Variants in OGDH observed in about 807,000 individuals in gnomAD.
OGDH encodes oxoglutarate dehydrogenase, also known as 2-oxoglutarate dehydrogenase complex component E1.
OGDH carries 38 observed loss-of-function variants against 116.6 expected under a neutral mutation model. The observed-to-expected ratio is 0.33, with a 90% CI of 0.25 to 0.43. The LOEUF (loss-of-function observed/expected upper bound fraction) is 0.43, where lower values mean the gene tolerates loss of function less well. Among genes scored for constraint, OGDH ranks in the 20% least tolerant of loss-of-function variants. The probability of loss-of-function intolerance (pLI) is 1.00; values close to 1 mark genes in which losing one functional copy is unlikely to be tolerated. For synonymous variants in OGDH, 488 were observed against 533.3 expected, an observed-to-expected ratio of 0.92 and a Z score of 1.17; for missense variants, 825 against 1,357.2, an observed-to-expected ratio of 0.61 and a Z score of 6.16.
In OGDH at chr7:44,697,322, C is replaced by T. The variant is rs766774615; in HGVS notation, c.2052-48C>T. The T allele has an allele frequency of 4.3e-6, 7 of 1,610,956 alleles. No homozygotes were observed. The Admixed American group carries it at 1.2e-4, about 27-fold the overall frequency. On this transcript the variant is annotated intron_variant, in intron 15 of 22. Coordinates refer to ENST00000222673, the MANE Select transcript of OGDH (RefSeq NM_002541.4). The surrounding 1 kb of genome is among the most constrained non-coding windows in gnomAD (Gnocchi z 6.0). ...TTCGTGCGGGTCCCCAGCGTATTTG[C>T]TTGTCAAGTCAGAGCTCCTAATTAT...
At chr7:44,610,220 C>G (rs1470135103) in intron 1 of OGDH, among the ~76,000 whole-genome samples, 1 of 151,814 alleles carries the variant, frequency 6.6e-6, no homozygotes, top group Non-Finnish European at 1.5e-5. Context: ...CTAATGTATT[C>G]TAGATACCAC....
At chr7:44,651,015 C>G (rs1427913762) in intron 4 of OGDH, among the ~76,000 whole-genome samples, 1 of 152,226 alleles carries the variant, frequency 6.6e-6, no homozygotes, top group Non-Finnish European at 1.5e-5. Flanking sequence ...GGAACATAGC[C>G]TTTGGTGCTT....
chr7:44,636,649 C>T (rs1455010365), intron 2 of OGDH, among the ~76,000 whole-genome samples: 1 of 152,176 alleles, frequency 6.6e-6, no homozygotes, highest in Non-Finnish European at 1.5e-5. Flanking sequence ...TCAAGAGCTT[C>T]CTTTGAAGAA....
At chr7:44,668,253 ATCG>A (rs1787271553) in intron 5 of OGDH, among the ~76,000 whole-genome samples, 1 of 152,104 alleles carries the variant, frequency 6.6e-6, no homozygotes, top group African/African-American at 2.4e-5. Flanking sequence ...CCTGGCCAAG[ATCG>A]TGAAACGCCA....
At chr7:44,621,099 G>A (rs1012653618) in intron 1 of OGDH, among the ~76,000 whole-genome samples, 1 of 152,012 alleles carries the variant, frequency 6.6e-6, no homozygotes, top group Non-Finnish European at 1.5e-5. Flanking sequence ...TTAGAGATAG[G>A]GTCTCGCTCT....
intron 20 of OGDH, among the ~76,000 whole-genome samples, chr7:44,702,019 T>C (rs1788851784): frequency 6.7e-6 from 1 of 149,578 alleles, no homozygotes; most frequent in South Asian, 2.1e-4. Context: ...TGCAGTGAGC[T>C]GCTATCACGC....
chr7:44,667,621 C>T (rs977513250), intron 5 of OGDH, among the ~76,000 whole-genome samples: 2 of 152,178 alleles, frequency 1.3e-5, no homozygotes, highest in South Asian at 2.1e-4. Context: ...AGTTGTGGCT[C>T]TGCTGTTAGG....
intron 2 of OGDH, among the ~76,000 whole-genome samples, chr7:44,626,548 T>C (rs1232955618): frequency 6.6e-6 from 1 of 152,138 alleles, no homozygotes; most frequent in Non-Finnish European, 1.5e-5. Flanking sequence ...CAGTGCCTAG[T>C]GTCTGAAAGG....
At chr7:44,659,856 C>G (rs546726171) in intron 4 of OGDH, among the ~76,000 whole-genome samples, 52 of 152,230 alleles carry the variant, frequency 3.4e-4, no homozygotes, top group African/African-American at 1.2e-3. Context: ...GTCGATGTTA[C>G]TAATCTTTTC....
intron 4 of OGDH, among the ~76,000 whole-genome samples, chr7:44,659,883 G>T (rs1347355104): frequency 2.0e-5 from 3 of 151,994 alleles, no homozygotes; most frequent in Non-Finnish European, 2.9e-5. Flanking sequence ...CCAGTTACTT[G>T]TTTCATTGGT....
chr7:44,616,598 CT>C (rs1361826862), intron 1 of OGDH, among the ~76,000 whole-genome samples: 2 of 147,688 alleles, frequency 1.4e-5, no homozygotes, highest in African/African-American at 5.1e-5. Flanking sequence ...GCCTTTTTTC[CT>C]AGGCTACATA....
chr7:44,693,748 C>T, intron 10 of OGDH, 77 bp from the exon 11 acceptor site: 2 of 1,371,196 alleles, frequency 1.5e-6, no homozygotes, highest in Non-Finnish European at 2.0e-6. Flanking sequence ...CATGCCATGC[C>T]CGGCCTCAGC....
intron 1 of OGDH, among the ~76,000 whole-genome samples, chr7:44,612,529 A>G (rs1448042412): frequency 6.6e-6 from 1 of 151,792 alleles, no homozygotes; most frequent in African/African-American, 2.4e-5. Context: ...GACTACAGGC[A>G]TGCACCACCA....
intron 10 of OGDH, among the ~76,000 whole-genome samples, chr7:44,685,938 C>T (rs563950800): frequency 7.2e-4 from 109 of 152,202 alleles, no homozygotes; most frequent in Middle Eastern, 6.8e-3. Context: ...TCCTGCTTTC[C>T]GTTCTTTGGA....
chr7:44,693,006 TA>T (rs77813445), intron 10 of OGDH, among the ~76,000 whole-genome samples: 34,153 of 138,924 alleles, frequency 0.25, 5,769 homozygotes, highest in African/African-American at 0.49. Context: ...ACTCTCTCTT[TA>T]AAAAAAAAAA....
intron 2 of OGDH, among the ~76,000 whole-genome samples, chr7:44,636,254 G>C (rs1171560839): frequency 1.3e-5 from 2 of 152,198 alleles, no homozygotes; most frequent in East Asian, 3.8e-4. Context: ...AGCTACTGCT[G>C]GGGGAAGGGA....
chr7:44,627,894 C>G (rs1785271016), intron 2 of OGDH, among the ~76,000 whole-genome samples: 1 of 152,156 alleles, frequency 6.6e-6, no homozygotes, highest in Non-Finnish European at 1.5e-5. Context: ...CCAGGCTGGT[C>G]TCAAACTCCT....
chr7:44,613,696 A>G (rs147163072), intron 1 of OGDH, among the ~76,000 whole-genome samples: 1 of 150,794 alleles, frequency 6.6e-6, no homozygotes, highest in African/African-American at 2.4e-5. Flanking sequence ...GGGTTTCACC[A>G]TGTTGGCCAG....
At chr7:44,606,715 G>T (rs953718315) in intron 1 of OGDH, 62 bp downstream of exon 1, 1 of 152,540 alleles carries the variant, frequency 6.6e-6, no homozygotes, top group Non-Finnish European at 1.5e-5. Context: ...TGGCGGCCCG[G>T]GGTTGGAGAT....
Sources: gnomAD v4.1 joint callset for allele counts (sites outside exome capture counted in the v4.1 genomes callset) on GRCh38, gnomAD v4.1.1 for gene constraint, Gnocchi (gnomAD v3.1) non-coding constraint, MANE v1.5 for transcripts, NCBI Gene and HGNC (gene_info 2026-07-23, HGNC 2026-07-21) for gene names.